The following CFAP299 variants were observed in gnomAD, a reference collection of about 807,000 sequenced individuals.
CFAP299 encodes cilia- and flagella-associated protein 299.
Under a neutral mutation model 27.0 loss-of-function variants are expected in CFAP299, and 21 were observed. The ratio of observed to expected loss-of-function variants is 0.78; its 90% CI spans 0.55 to 1.12. CFAP299 has a LOEUF of 1.12. Ranked by LOEUF, CFAP299 falls within the 50% of genes most tolerant of loss-of-function variation. CFAP299 has a pLI of 0.00. For synonymous variants in CFAP299, 104 were observed against 98.1 expected (o/e 1.06, Z -0.36); for missense variants, 310 against 276.6 (o/e 1.12, Z -0.86).
At chr4:80,350,641 G>A (rs978944736) in intron 1 of CFAP299, among the ~76,000 whole-genome samples, 3 of 152,190 alleles carry the variant, frequency 2.0e-5, no homozygotes, top group Admixed American at 6.5e-5. Flanking sequence ...CAGGGACATG[G>A]ATGAAGCTGG....
rs190309417 is a variant in CFAP299, at chr4:80,780,427, C to A, written c.334-89566C>A. On this transcript the variant is annotated intron_variant, in intron 3 of 5. Coordinates refer to ENST00000358105, the MANE Select transcript of CFAP299 (RefSeq NM_152770.3). ...AAAGTACTTCTTTGTATTCCCATAG[C>A]AATTAGCACAGCATATTAAAGTCTA... Among the ~76,000 whole-genome samples, 4 of 152,182 alleles carry A rather than the reference C, an allele frequency of 2.6e-5. No homozygotes were observed. The East Asian group carries it at 5.8e-4, about 22-fold the overall frequency.
At chr4:80,478,160 T>A (rs1460622658) in intron 2 of CFAP299, among the ~76,000 whole-genome samples, 1 of 152,214 alleles carries the variant, frequency 6.6e-6, no homozygotes, top group Admixed American at 6.5e-5. Flanking sequence ...TGATAAAGGA[T>A]GTCGTACCTG....
intron 3 of CFAP299, among the ~76,000 whole-genome samples, chr4:80,861,596 C>A (rs1732367296): frequency 6.6e-6 from 1 of 152,118 alleles, no homozygotes; most frequent in Admixed American, 6.5e-5. Flanking sequence ...GTTCTTCAAG[C>A]TAAAATTTTA....
intron 3 of CFAP299, among the ~76,000 whole-genome samples, chr4:80,638,946 G>A (rs373582560): frequency 1.3e-5 from 2 of 152,138 alleles, no homozygotes; most frequent in Non-Finnish European, 2.9e-5. Context: ...GAGAGTTCTC[G>A]TCCTAGCTTT....
chr4:80,715,520 G>T (rs1313610990), intron 3 of CFAP299, among the ~76,000 whole-genome samples: 2 of 151,824 alleles, frequency 1.3e-5, no homozygotes, highest in African/African-American at 4.8e-5. Flanking sequence ...TTTCCTGAGG[G>T]TTGTCATAAA....
intron 2 of CFAP299, among the ~76,000 whole-genome samples, chr4:80,484,459 C>T (rs1348509729): frequency 1.3e-5 from 2 of 152,276 alleles, no homozygotes; most frequent in South Asian, 2.1e-4. Flanking sequence ...ATTGCTATAT[C>T]TTATCCATCC....
chr4:80,535,075 T>TTG (rs1049639143), intron 2 of CFAP299, among the ~76,000 whole-genome samples: 1 of 152,022 alleles, frequency 6.6e-6, no homozygotes, highest in Admixed American at 6.6e-5. Context: ...GTTTAGCAAT[T>TTG]TGTGTGTGTG....
intron 3 of CFAP299, among the ~76,000 whole-genome samples, chr4:80,839,723 C>A (rs1437402363): frequency 2.0e-5 from 3 of 150,544 alleles, no homozygotes; most frequent in Non-Finnish European, 3.0e-5. Context: ...TGCAAGGGGA[C>A]AAACTTCTTT....
intron 5 of CFAP299, among the ~76,000 whole-genome samples, chr4:80,950,760 A>G (rs1234671006): frequency 1.3e-5 from 2 of 152,170 alleles, no homozygotes; most frequent in Non-Finnish European, 2.9e-5. Context: ...AGAAGGCTGG[A>G]TAACTGATCT....
At chr4:80,764,960 G>T (rs949535729) in intron 3 of CFAP299, among the ~76,000 whole-genome samples, 1 of 152,006 alleles carries the variant, frequency 6.6e-6, no homozygotes, top group African/African-American at 2.4e-5. Context: ...GCAAAGGGAG[G>T]GATAGCATAA....
intron 5 of CFAP299, among the ~76,000 whole-genome samples, chr4:80,950,254 C>CA (rs1737704095): frequency 1.4e-5 from 1 of 69,762 alleles, no homozygotes; most frequent in African/African-American, 7.2e-5. Flanking sequence ...CTTCCCTCCA[C>CA]CCCCCCCCTT....
At chr4:80,871,690 G>C (rs1237696575) in intron 4 of CFAP299, 19 of 958,290 alleles carry the variant, frequency 2.0e-5, no homozygotes, top group Non-Finnish European at 2.2e-5. Context: ...TAGCAGCTTT[G>C]TTTTGTTAAA....
intron 1 of CFAP299, among the ~76,000 whole-genome samples, chr4:80,337,610 C>G (rs563038511): frequency 6.6e-6 from 1 of 151,954 alleles, no homozygotes; most frequent in South Asian, 2.1e-4. Flanking sequence ...GTTGGCCAGG[C>G]TGGTCTCGAA....
In CFAP299 at chr4:80,435,032, T is replaced by C. The variant is rs143869526; in HGVS notation, c.242+72148T>C. Among the ~76,000 whole-genome samples, 1,282 of 152,314 alleles carry C rather than the reference T, an allele frequency of 8.4e-3. 25 individuals are homozygous for C. Among genetic ancestry groups the C allele is most frequent in the African/African-American group, 0.029 (1,212 of 41,560 alleles). On this transcript the variant is annotated intron_variant, in intron 2 of 5. Coordinates refer to ENST00000358105, the MANE Select transcript of CFAP299 (RefSeq NM_152770.3). ...GTATGCAAGTGGAGGTGGAAAGGAATACAGTTCTGTTAAGAAAGGTTTTTT... is the reference window on the plus strand; with the variant it reads ...GTATGCAAGTGGAGGTGGAAAGGAACACAGTTCTGTTAAGAAAGGTTTTTT...
At position 80,388,661 on chromosome 4, in the gene CFAP299, G is replaced by A. The variant is rs114249405; in HGVS notation, c.242+25777G>A. The A allele has an allele frequency of 2.6e-3, 2,996 of 1,161,236 alleles. 60 individuals are homozygous for A. The African/African-American group carries it at 0.041, about 16-fold the overall frequency. The allele number at this position is 1,161,236 out of a possible 1,614,324, so 71.9% of individuals were successfully genotyped here. ...TTGGCCATCCAGTAATGATGGGACA[G>A]CTAGAATGGTCTGGTTGTCCATTCC... On this transcript the variant is annotated intron_variant, in intron 2 of 5. Coordinates refer to ENST00000358105, the MANE Select transcript of CFAP299 (RefSeq NM_152770.3).
chr4:80,401,679 G>A (rs1011581137), intron 2 of CFAP299, among the ~76,000 whole-genome samples: 3 of 152,188 alleles, frequency 2.0e-5, no homozygotes, highest in Non-Finnish European at 2.9e-5. Context: ...GGAAATGTGG[G>A]GTCAGAGCCC....
intron 2 of CFAP299, among the ~76,000 whole-genome samples, chr4:80,548,161 A>G (rs971419285): frequency 5.9e-5 from 9 of 152,008 alleles, no homozygotes; most frequent in African/African-American, 1.4e-4. Flanking sequence ...TAAAGAAAAT[A>G]TGGTAAATAT....
intron 2 of CFAP299, among the ~76,000 whole-genome samples, chr4:80,576,322 G>C (rs1735864764): frequency 6.6e-6 from 1 of 151,056 alleles, no homozygotes; most frequent in African/African-American, 2.4e-5. Context: ...TTATATAAAG[G>C]ATAAAACAGA....
chr4:80,775,852 G>A lies in CFAP299; in HGVS notation c.334-94141G>A, dbSNP rs539650474. On this transcript the variant is annotated intron_variant, in intron 3 of 5. Coordinates refer to ENST00000358105, the MANE Select transcript of CFAP299 (RefSeq NM_152770.3). ...TTCTTTGATATTATTTTTAACACAT[G>A]GAAATATTCCAGTAAGTGATTTGAA... 3.3e-5 allele frequency among the ~76,000 whole-genome samples: 5 copies of A among 152,176 alleles called. No homozygotes were observed. The East Asian group carries it at 9.7e-4, about 29-fold the overall frequency.
Sources: gnomAD v4.1 joint callset for allele counts (sites outside exome capture counted in the v4.1 genomes callset) on GRCh38, gnomAD v4.1.1 for gene constraint, MANE v1.5 for transcripts, NCBI Gene and HGNC (gene_info 2026-07-23, HGNC 2026-07-21) for gene names.